LAD1: variants seen among roughly 807,000 people sequenced by gnomAD.
LAD1 encodes the protein ladinin 1, also known as ladinin-1.
In LAD1, 53 loss-of-function variants were observed where a neutral mutation model predicts 54.2. The ratio of observed to expected loss-of-function variants is 0.98; its 90% CI spans 0.78 to 1.23. The LOEUF is 1.23. LAD1 is among the 50% of genes most tolerant of loss of function. LAD1 has a pLI of 0.00. For missense variants in LAD1, 637 were observed against 653.3 expected (o/e 0.98, Z 0.27); for synonymous variants, 231 against 257.7 (o/e 0.90, Z 0.99).
Position 201,381,577 on chromosome 1 carries a change from G to T in LAD1, c.*311C>A. 1 of 472,050 alleles carries T rather than the reference G, an allele frequency of 2.1e-6. No homozygotes were observed. The highest frequency in any genetic ancestry group is 3.9e-6 in the Non-Finnish European group (1 of 257,826). The allele number at this position is 472,050 out of a possible 1,614,324, so 29.2% of individuals were successfully genotyped here. A position where few individuals can be genotyped will look rare whatever the true frequency, so the allele number is the denominator to read the frequency against. On this transcript the variant is annotated 3_prime_UTR_variant, in exon 10 of 10. Coordinates refer to ENST00000391967, the MANE Select transcript of LAD1 (RefSeq NM_005558.4). ...GTGGATGTGAGCAGGAAGGAGCAGA[G>T]GTCTCTGGGCAGGACATAGGCCCCA...
Position 201,381,621 on chromosome 1 carries a change from G to C in LAD1, c.*267C>G, listed in dbSNP as rs548380372. 2 of 569,562 alleles carry C rather than the reference G, an allele frequency of 3.5e-6. No individual in the cohort carries two copies. Among genetic ancestry groups the C allele is most frequent in the East Asian group, 6.1e-5 (2 of 32,552 alleles). 35.3% of individuals were successfully genotyped at this position (569,562 alleles called of 1,614,324 possible). On this transcript the variant is annotated 3_prime_UTR_variant, in exon 10 of 10. Coordinates refer to ENST00000391967, the MANE Select transcript of LAD1 (RefSeq NM_005558.4). ...GGCCCCATAGTGCTGATGTGCACTTGTGCTGTGACCTGGGCAGAGACTGGG... is the reference window on the plus strand; with the variant it reads ...GGCCCCATAGTGCTGATGTGCACTTCTGCTGTGACCTGGGCAGAGACTGGG...
At chr1:201,393,716 A>G (rs1662235212) in intron 1 of LAD1, among the ~76,000 whole-genome samples, 1 of 149,906 alleles carries the variant, frequency 6.7e-6, no homozygotes. Context: ...ACTGCACTCC[A>G]GCCTAGATGA....
At chr1:201,385,928 T>C in intron 3 of LAD1, 123 bp from the exon 4 acceptor site, 2 of 729,526 alleles carry the variant, frequency 2.7e-6, no homozygotes, top group South Asian at 3.2e-5. Flanking sequence ...GCCCTGTGCC[T>C]TCTCTCCTGC....
At chr1:201,388,075 C>T (rs2102357410) in intron 2 of LAD1, among the ~76,000 whole-genome samples, 1 of 152,238 alleles carries the variant, frequency 6.6e-6, no homozygotes, top group Non-Finnish European at 1.5e-5. Flanking sequence ...GATGGCAAAA[C>T]TAGCCCCAAG....
rs1245702547 is a variant in LAD1, at chr1:201,385,134, C to T, written c.1132-299G>A. 9.9e-5 allele frequency among the ~76,000 whole-genome samples: 15 copies of T among 152,204 alleles called. 1 individual carries two copies. Among genetic ancestry groups the T allele is most frequent in the Non-Finnish European group, 1.5e-5 (1 of 68,036 alleles). On this transcript the variant is annotated intron_variant, in intron 4 of 9. Coordinates refer to ENST00000391967, the MANE Select transcript of LAD1 (RefSeq NM_005558.4). ...ATCTGCCTCCCACTGCCCATGAGCT[C>T]TGTGGGGGCACCAGTCGCTATTGGG...
intron 1 of LAD1, among the ~76,000 whole-genome samples, chr1:201,393,105 G>A (rs1328661327): frequency 6.6e-6 from 1 of 152,158 alleles, no homozygotes; most frequent in Non-Finnish European, 1.5e-5. Flanking sequence ...AGTGTGGTGG[G>A]CTGTTGGGTG....
chr1:201,387,649 G>A (rs1416216801), intron 2 of LAD1, among the ~76,000 whole-genome samples: 1 of 152,146 alleles, frequency 6.6e-6, no homozygotes, highest in Non-Finnish European at 1.5e-5. Flanking sequence ...AGTCTTGTGG[G>A]TGCAGCCAAG....
chr1:201,384,647 C>A, intron 5 of LAD1, 145 bp downstream of exon 5: 1 of 780,270 alleles, frequency 1.3e-6, no homozygotes, highest in Non-Finnish European at 2.2e-6. Context: ...CATCCCCCTG[C>A]CAGATCTGGA....
At chr1:201,385,600 G>C in intron 4 of LAD1, 101 bp downstream of exon 4, 1 of 860,776 alleles carries the variant, frequency 1.2e-6, no homozygotes, top group East Asian at 2.4e-5. Flanking sequence ...TCTATCCAGG[G>C]GACCTTCCTA....
intron 1 of LAD1, among the ~76,000 whole-genome samples, chr1:201,394,683 C>T (rs780460788): frequency 3.9e-5 from 6 of 152,342 alleles, no homozygotes; most frequent in African/African-American, 7.2e-5. Flanking sequence ...GATTTAGAAA[C>T]GCCAACTTCT....
At chr1:201,389,523 T>C (rs868417331) in intron 1 of LAD1, among the ~76,000 whole-genome samples, 2 of 152,174 alleles carry the variant, frequency 1.3e-5, no homozygotes, top group Admixed American at 6.5e-5. Flanking sequence ...TTAAGAACTA[T>C]GTACATCGGC....
chr1:201,387,477 T>C (rs973140292), intron 2 of LAD1, among the ~76,000 whole-genome samples: 5 of 152,372 alleles, frequency 3.3e-5, no homozygotes, highest in Admixed American at 1.3e-4. Context: ...CAGAGCCTGC[T>C]TGGGGCATTG....
rs1053526086 is a variant in LAD1, at chr1:201,399,282, A to G, written c.25T>C (p.Ser9Pro). The change falls in exon 1 of 10, where the codon TCC (serine) becomes CCC (proline). Residue 9 changes from serine to proline, a missense_variant. By Grantham distance (74) the Ser-to-Pro change is moderately conservative (BLOSUM62 -1). Coordinates refer to ENST00000391967, the MANE Select transcript of LAD1 (RefSeq NM_005558.4). The part of the protein sequence containing the change: MAVSRKDW[S>P]ALSSLARQRT... ...TCCGGCGCTCACCTGGACAGCGCGG[A>G]CCAGTCCTTCCTGCTGACAGCCATG... 9.7e-6 allele frequency: 15 copies of G among 1,548,938 alleles called. No homozygotes were observed. The highest frequency in any genetic ancestry group is 1.3e-5 in the Non-Finnish European group (15 of 1,153,908).
At chr1:201,391,191 C>T (rs1475472672) in intron 1 of LAD1, 1 of 452,934 alleles carries the variant, frequency 2.2e-6, no homozygotes, top group Non-Finnish European at 4.4e-6. Context: ...TGGAGCTCCA[C>T]AGATCTGGAT....
chr1:201,396,756 C>T (rs1662297731), intron 1 of LAD1, among the ~76,000 whole-genome samples: 1 of 152,146 alleles, frequency 6.6e-6, no homozygotes, highest in East Asian at 1.9e-4. Context: ...CTGAGCAGGG[C>T]AGGCCTTAAG....
intron 1 of LAD1, among the ~76,000 whole-genome samples, chr1:201,393,703 G>A (rs868154725): frequency 4.0e-5 from 6 of 148,614 alleles, no homozygotes; most frequent in Admixed American, 6.7e-5. Context: ...CCAAGATCAC[G>A]CCACTGCACT....
chr1:201,382,853 T>G, intron 7 of LAD1, 114 bp from the exon 8 acceptor site: 2 of 962,724 alleles, frequency 2.1e-6, no homozygotes, highest in Non-Finnish European at 3.2e-6. Context: ...ATCCAGCACA[T>G]GCCACATATA....
chr1:201,382,036 G>C, intron 9 of LAD1, 143 bp from the exon 10 acceptor site: 3 of 953,672 alleles, frequency 3.1e-6, no homozygotes, highest in Non-Finnish European at 4.8e-6. Context: ...AGCTGAAGAG[G>C]GAGGGGCTCT....
chr1:201,389,159 C>A lies in LAD1; in HGVS notation c.182+1G>T, dbSNP rs1229544097. On this transcript the variant is annotated splice_donor_variant, in intron 2 of 9. Coordinates refer to ENST00000391967, the MANE Select transcript of LAD1 (RefSeq NM_005558.4). LOFTEE classifies it high-confidence loss of function. Reference sequence around the variant, plus strand: ...ATCAGGATAGAAACCTGAGCACCTACCTCTCAGAAGCAGAGGCCTGCCGGT... The same window carrying A: ...ATCAGGATAGAAACCTGAGCACCTAACTCTCAGAAGCAGAGGCCTGCCGGT... 1 of 1,613,680 alleles carries A rather than the reference C, an allele frequency of 6.2e-7. No individual in the cohort carries two copies.
Sources: gnomAD v4.1 joint callset for allele counts (sites outside exome capture counted in the v4.1 genomes callset) on GRCh38, gnomAD v4.1.1 for gene constraint, MANE v1.5 for transcripts, NCBI Gene and HGNC (gene_info 2026-07-23, HGNC 2026-07-21) for gene names.